Variants in DIAPH2 observed in about 807,000 individuals in gnomAD.
DIAPH2 encodes protein diaphanous homolog 2.
A neutral mutation model predicts 92.7 loss-of-function variants in DIAPH2; 35 were observed. The ratio of observed to expected loss-of-function variants is 0.38; its 90% CI spans 0.29 to 0.50. The LOEUF is 0.50. Among genes scored for constraint, DIAPH2 ranks in the 20% least tolerant of loss-of-function variants. The probability of loss-of-function intolerance (pLI) is 0.94; values close to 1 mark genes in which losing one functional copy is unlikely to be tolerated. For missense variants in DIAPH2, 701 were observed against 819.5 expected (o/e 0.86, Z 1.77); for synonymous variants, 301 against 280.4 (o/e 1.07, Z -0.73).
chrX:97,289,527 A>G (rs1190859265), intron 23 of DIAPH2, among the ~76,000 whole-genome samples: 1 of 110,796 alleles, frequency 9.0e-6, no homozygotes, highest in Non-Finnish European at 1.9e-5. Context: ...GTGGTTCTCA[A>G]CCCTCAATAC....
chrX:97,063,709 T>A (rs2066615867), intron 17 of DIAPH2, among the ~76,000 whole-genome samples: 1 of 111,940 alleles, frequency 8.9e-6, no homozygotes, highest in Non-Finnish European at 1.9e-5. Flanking sequence ...AGATCCTAAT[T>A]TGCAGGGGTA....
At chrX:97,563,051 AT>A (rs1161396879) in intron 26 of DIAPH2, among the ~76,000 whole-genome samples, 1 of 112,260 alleles carries the variant, frequency 8.9e-6, no homozygotes. Context: ...TTTTTTCTGT[AT>A]TTATAATAAG....
At chrX:96,691,779 G>T (rs1002883677) in intron 1 of DIAPH2, among the ~76,000 whole-genome samples, 1 of 112,131 alleles carries the variant, frequency 8.9e-6, no homozygotes, top group African/African-American at 3.2e-5. Flanking sequence ...TATACAGTGT[G>T]GCCTATGAAT....
At chrX:97,046,569 A>G (rs2066485827) in intron 17 of DIAPH2, among the ~76,000 whole-genome samples, 1 of 112,210 alleles carries the variant, frequency 8.9e-6, no homozygotes. Context: ...TCATTGCTGG[A>G]TAATAGAAAG....
intron 20 of DIAPH2, among the ~76,000 whole-genome samples, chrX:97,101,766 C>T (rs1026838061): frequency 5.4e-5 from 6 of 111,873 alleles, no homozygotes; most frequent in Middle Eastern, 4.6e-3. Context: ...AGCCTAAGTC[C>T]GAGCCTGAAA....
rs1412452097 is a variant in DIAPH2 at position 97,601,574 on chromosome X, A to G, written c.*2257A>G. 1 of 111,999 alleles carries G rather than the reference A, an allele frequency of 8.9e-6. No individual in the cohort carries two copies. The highest frequency in any genetic ancestry group is 3.3e-5 in the African/African-American group (1 of 30,747). The allele number at this position is 111,999 out of a possible 1,213,427, so 9.2% of individuals were successfully genotyped here. A position where few individuals can be genotyped will look rare whatever the true frequency, so the allele number is the denominator to read the frequency against. On this transcript the variant is annotated 3_prime_UTR_variant, in exon 27 of 27. Coordinates refer to ENST00000324765, the MANE Select transcript of DIAPH2 (RefSeq NM_006729.5). ...GTTTTGTTTTAGATGATTGGAAAGTATATCACCAAAAAAAGTATATAGTGA... is the reference window on the plus strand; with the variant it reads ...GTTTTGTTTTAGATGATTGGAAAGTGTATCACCAAAAAAAGTATATAGTGA...
chrX:97,108,073 G>A (rs760763966), intron 20 of DIAPH2, among the ~76,000 whole-genome samples: 2 of 110,744 alleles, frequency 1.8e-5, no homozygotes, highest in Non-Finnish European at 1.9e-5. Flanking sequence ...AGGTACTGAA[G>A]TGTGTAAAAT....
At chrX:97,343,950 T>G (rs1002619926) in intron 23 of DIAPH2, among the ~76,000 whole-genome samples, 1 of 111,686 alleles carries the variant, frequency 9.0e-6, no homozygotes, top group Non-Finnish European at 1.9e-5. Flanking sequence ...ATTCTAACCC[T>G]AAATGGATGA....
At chrX:96,793,551 T>C in intron 4 of DIAPH2, 1 of 367,682 alleles carries the variant, frequency 2.7e-6, no homozygotes. Flanking sequence ...AAGGTCTATG[T>C]GCTAGCATAT....
chrX:97,210,210 C>T (rs964134185), intron 22 of DIAPH2, among the ~76,000 whole-genome samples: 1 of 111,964 alleles, frequency 8.9e-6, no homozygotes, highest in Non-Finnish European at 1.9e-5. Context: ...TATTTGACCT[C>T]TTTTACACAT....
At chrX:97,145,390 G>A (rs1357883662) in intron 22 of DIAPH2, among the ~76,000 whole-genome samples, 2 of 108,586 alleles carry the variant, frequency 1.8e-5, no homozygotes, top group African/African-American at 6.7e-5. Context: ...CTTATTAGAA[G>A]GGAACAATCA....
At chrX:96,851,173 C>T (rs554004349) in intron 4 of DIAPH2, among the ~76,000 whole-genome samples, 129 of 112,025 alleles carry the variant, frequency 1.2e-3, no homozygotes, top group Non-Finnish European at 1.5e-3. Flanking sequence ...ACCATCTGGG[C>T]GCACTGCAAC....
intron 22 of DIAPH2, among the ~76,000 whole-genome samples, chrX:97,172,862 A>C (rs1258007647): frequency 1.8e-5 from 2 of 111,877 alleles, no homozygotes; most frequent in Non-Finnish European, 3.8e-5. Context: ...GGTGAACTGA[A>C]TTACCTTCCG....
intron 25 of DIAPH2, among the ~76,000 whole-genome samples, chrX:97,395,231 TTTATAA>T (rs1401632209): frequency 8.9e-6 from 1 of 111,747 alleles, no homozygotes; most frequent in African/African-American, 3.3e-5. Context: ...TTAATCTGAC[TTTATAA>T]TTATATAGAA....
In DIAPH2 at chrX:96,958,121, G is replaced by A. The variant is rs20389; in HGVS notation, c.1908G>A (p.Val636=). ...MKQKKMYKPE[V]SMKRINWSKI... ...AGAAAAAAATGTATAAACCTGAAGT[G>A]TCCATGAAGAGAATCAATTGGTCAA... Residue 636 remains valine, a synonymous_variant, in exon 16 of 27, where the codon GTG becomes GTA. Coordinates refer to ENST00000324765, the MANE Select transcript of DIAPH2 (RefSeq NM_006729.5). 5.3e-5 allele frequency: 64 copies of A among 1,204,978 alleles called. No individual in the cohort carries two copies. Among genetic ancestry groups the A allele is most frequent in the Non-Finnish European group, 6.9e-5 (62 of 893,783 alleles).
chrX:97,092,452 G>A (rs1221021046), intron 19 of DIAPH2, among the ~76,000 whole-genome samples: 2 of 112,244 alleles, frequency 1.8e-5, no homozygotes, highest in East Asian at 2.8e-4. Context: ...GATGACAAGC[G>A]TTGTTTCTGC....
intron 4 of DIAPH2, among the ~76,000 whole-genome samples, chrX:96,771,769 G>T (rs1201329214): frequency 4.5e-5 from 5 of 111,443 alleles, no homozygotes. Flanking sequence ...GATGTAGTTG[G>T]CTCATGCCTG....
chrX:97,514,175 A>G (rs1188648332), intron 26 of DIAPH2, among the ~76,000 whole-genome samples: 7 of 83,411 alleles, frequency 8.4e-5, no homozygotes, highest in African/African-American at 2.7e-4. Context: ...GTCTTTTCAC[A>G]TAGTCCCATA....
chrX:97,130,722 A>T (rs1312864608), intron 21 of DIAPH2, among the ~76,000 whole-genome samples: 1 of 111,448 alleles, frequency 9.0e-6, no homozygotes, highest in Non-Finnish European at 1.9e-5. Context: ...ACCTCACTGA[A>T]CTGTGTGCTT....
Sources: gnomAD v4.1 joint callset for allele counts (sites outside exome capture counted in the v4.1 genomes callset) on GRCh38, gnomAD v4.1.1 for gene constraint, MANE v1.5 for transcripts, NCBI Gene and HGNC (gene_info 2026-07-23, HGNC 2026-07-21) for gene names.